Variants in SIPA1L3 observed in about 807,000 individuals in gnomAD.
SIPA1L3 encodes the protein signal-induced proliferation-associated 1-like protein 3.
Under a neutral mutation model 150.1 loss-of-function variants are expected in SIPA1L3, and 59 were observed. The observed-to-expected ratio is 0.39, with a 90% CI of 0.32 to 0.49. The LOEUF is 0.49. SIPA1L3 is among the 20% of genes least tolerant of loss of function. The pLI is 0.86. For synonymous variants in SIPA1L3, 1,070 were observed against 1,077.6 expected (o/e 0.99, Z 0.14); for missense variants, 2,211 against 2,489.5 (o/e 0.89, Z 2.38).
At chr19:38,188,076 G>A (rs1013782568) in intron 16 of SIPA1L3, among the ~76,000 whole-genome samples, 1 of 152,094 alleles carries the variant, frequency 6.6e-6, no homozygotes, top group Non-Finnish European at 1.5e-5. Context: ...ATGTGCTGTA[G>A]CTCACTGAGC....
intron 4 of SIPA1L3, among the ~76,000 whole-genome samples, chr19:38,093,532 A>T (rs1481267891): frequency 1.3e-5 from 2 of 152,152 alleles, no homozygotes; most frequent in Non-Finnish European, 2.9e-5. Context: ...GATCGGCACC[A>T]CTGTTGCAGC....
chr19:38,063,778 G>GT (rs1198299380), intron 2 of SIPA1L3, among the ~76,000 whole-genome samples: 1 of 152,210 alleles, frequency 6.6e-6, no homozygotes, highest in Non-Finnish European at 1.5e-5. Flanking sequence ...CATGATGATA[G>GT]TGGGGACACT....
At chr19:38,193,350 A>G (rs2146046594) in intron 17 of SIPA1L3, among the ~76,000 whole-genome samples, 187 bp from the exon 18 acceptor site, 1 of 128,766 alleles carries the variant, frequency 7.8e-6, no homozygotes, top group African/African-American at 2.9e-5. Flanking sequence ...CCCTGTCTCA[A>G]AAAAGGAAGG....
chr19:37,990,139 C>T (rs1408441253), intron 1 of SIPA1L3, among the ~76,000 whole-genome samples: 2 of 152,112 alleles, frequency 1.3e-5, no homozygotes, highest in Admixed American at 1.3e-4. Flanking sequence ...GCCCTACGGC[C>T]GCATGCCTCT....
At chr19:38,071,202 TATCTA>T (rs1969709347) in intron 2 of SIPA1L3, among the ~76,000 whole-genome samples, 1 of 6,750 alleles carries the variant, frequency 1.5e-4, no homozygotes, top group African/African-American at 6.8e-4. Flanking sequence ...TATGTTGTTT[TATCTA>T]TCTATCTATC....
chr19:38,201,893 C>T lies in SIPA1L3; in HGVS notation c.5016C>T (p.Asn1672=), dbSNP rs371082144. Residue 1672 remains asparagine, a synonymous_variant, in exon 20 of 22, where the codon AAC becomes AAT. Transcript: ENST00000222345. The part of the protein sequence containing the change: ...VQRAVSLFSL[N]DPALSPDIPP... ...GAGCCGTCTCACTCTTCTCTCTGAA[C>T]GACCCGGCCCTGAGCCCGGACATCC... is the stretch of plus-strand genomic sequence containing the variant. The T allele has an allele frequency of 3.6e-5, 58 of 1,613,248 alleles. No individual in the cohort carries two copies. The highest frequency in any genetic ancestry group is 3.3e-4 in the African/African-American group (25 of 75,000).
At chr19:38,098,254 C>T (rs1238533751) in intron 4 of SIPA1L3, among the ~76,000 whole-genome samples, 1 of 152,182 alleles carries the variant, frequency 6.6e-6, no homozygotes, top group Non-Finnish European at 1.5e-5. Flanking sequence ...TGGACGTAGG[C>T]AGCTGCAAGG....
intron 2 of SIPA1L3, among the ~76,000 whole-genome samples, chr19:38,069,039 CAT>C (rs142906338): frequency 1.3e-5 from 2 of 152,342 alleles, no homozygotes; most frequent in African/African-American, 4.8e-5. Context: ...GCCCCGCCCA[CAT>C]GTGAGAACAA....
chr19:37,913,897 C>T (rs890218120), intron 1 of SIPA1L3, among the ~76,000 whole-genome samples: 3 of 151,518 alleles, frequency 2.0e-5, no homozygotes, highest in African/African-American at 7.3e-5. Context: ...CGCCTGTAGT[C>T]CCAGTTACTC....
intron 18 of SIPA1L3, among the ~76,000 whole-genome samples, chr19:38,197,403 C>T (rs151191884): frequency 4.6e-5 from 7 of 152,230 alleles, no homozygotes; most frequent in South Asian, 2.1e-4. Context: ...GCAGTGCTGG[C>T]GCCGTTGCTT....
At position 38,001,923 on chromosome 19, in the gene SIPA1L3, AAC is replaced by A. The variant is rs140545551; in HGVS notation, c.-378-27164_-378-27163del. On this transcript the variant is annotated intron_variant, in intron 1 of 21. Coordinates refer to ENST00000222345, the MANE Select transcript of SIPA1L3 (RefSeq NM_015073.3). ...ATACAAGTTGTCCACCTTAAGTATGAACAGTTTTTATTTGTCAGTTATACCTT... is the reference window on the plus strand; with the variant it reads ...ATACAAGTTGTCCACCTTAAGTATGAAGTTTTTATTTGTCAGTTATACCTT... 9.2e-3 allele frequency among the ~76,000 whole-genome samples: 1,404 copies of A among 152,304 alleles called. 17 individuals carry two copies. Among genetic ancestry groups the A allele is most frequent in the Non-Finnish European group, 0.015 (1,043 of 68,030 alleles).
intron 1 of SIPA1L3, among the ~76,000 whole-genome samples, chr19:37,943,012 T>C (rs930689416): frequency 9.8e-6 from 1 of 101,988 alleles, no homozygotes; most frequent in Non-Finnish European, 1.8e-5. Context: ...CCCAGCCTCT[T>C]TCTCTCTCTC....
chr19:37,990,403 A>G (rs2145633919), intron 1 of SIPA1L3, among the ~76,000 whole-genome samples: 1 of 152,342 alleles, frequency 6.6e-6, no homozygotes, highest in African/African-American at 2.4e-5. Context: ...GAAAGCAGCC[A>G]GTGAGACAGG....
At chr19:38,179,475 T>C (rs1972513061) in intron 15 of SIPA1L3, among the ~76,000 whole-genome samples, 1 of 152,116 alleles carries the variant, frequency 6.6e-6, no homozygotes, top group Non-Finnish European at 1.5e-5. Context: ...TATAATTTAG[T>C]ATAACATTTG....
At chr19:38,112,803 G>A (rs1465215704) in intron 8 of SIPA1L3, among the ~76,000 whole-genome samples, 1 of 151,976 alleles carries the variant, frequency 6.6e-6, no homozygotes, top group East Asian at 1.9e-4. Context: ...GGACAGACCT[G>A]ACCCTGCCTC....
rs192148071 is a variant in SIPA1L3, at chr19:37,918,630, G to A, written c.-379+11272G>A. Among the ~76,000 whole-genome samples, 6 of 152,046 alleles carry A rather than the reference G, an allele frequency of 3.9e-5. No homozygotes were observed. The East Asian group carries it at 1.2e-3, about 30-fold the overall frequency. ...TATGCCTGTAATCCCAGCACTTTGG[G>A]AGGATGAGGAGGGCGGATCACCTGA... is the stretch of plus-strand genomic sequence containing the variant. On this transcript the variant is annotated intron_variant, in intron 1 of 21. Coordinates refer to ENST00000222345, the MANE Select transcript of SIPA1L3 (RefSeq NM_015073.3).
Position 38,005,542 on chromosome 19 carries a change from C to T in SIPA1L3, c.-378-23547C>T, listed in dbSNP as rs138880579. On this transcript the variant is annotated intron_variant, in intron 1 of 21. Coordinates refer to ENST00000222345, the MANE Select transcript of SIPA1L3 (RefSeq NM_015073.3). The stretch of plus-strand genomic sequence containing the variant: ...TTCAGATGTCTCCTTCAACACACTC[C>T]CAGGGGGTTGCTCCGAAGCCCACCC... Among the ~76,000 whole-genome samples the T allele has an allele frequency of 9.8e-4, 149 of 152,268 alleles. 2 individuals are homozygous for T. The East Asian group carries it at 0.019, about 20-fold the overall frequency.
At position 38,065,511 on chromosome 19, in the gene SIPA1L3, G is replaced by A. The variant is rs545430350; in HGVS notation, c.-310-15745G>A. 1.9e-3 allele frequency among the ~76,000 whole-genome samples: 290 copies of A among 151,368 alleles called. 1 individual carries two copies. Among genetic ancestry groups the A allele is most frequent in the Middle Eastern group, 6.8e-3 (2 of 294 alleles). ...GCTCACTACAACCTCCACCTCCTGG[G>A]TTCAAGCAATTCCTCCTGTCTCAGC... On this transcript the variant is annotated intron_variant, in intron 2 of 21. Transcript: ENST00000222345.
At chr19:37,914,374 A>ATTTTTTT (rs3049664) in intron 1 of SIPA1L3, among the ~76,000 whole-genome samples, 1 of 144,520 alleles carries the variant, frequency 6.9e-6, no homozygotes, top group Non-Finnish European at 1.5e-5. Flanking sequence ...TACTACTTTA[A>ATTTTTTT]TTTTTTTTTT....
Sources: gnomAD v4.1 joint callset for allele counts (sites outside exome capture counted in the v4.1 genomes callset) on GRCh38, gnomAD v4.1.1 for gene constraint, MANE v1.5 for transcripts, NCBI Gene and HGNC (gene_info 2026-07-23, HGNC 2026-07-21) for gene names.